The following ZFP30 variants were observed in gnomAD, a reference collection of about 807,000 sequenced individuals.
ZFP30 encodes the protein ZFP30 zinc finger protein, also known as zinc finger protein 30 homolog.
A neutral mutation model predicts 12.3 loss-of-function variants in ZFP30; 16 were observed. The ratio of observed to expected loss-of-function variants is 1.30; its 90% CI spans 0.88 to 1.98. ZFP30 has a LOEUF of 1.98. ZFP30 is among the 30% of genes most tolerant of loss of function. The pLI is 0.00. For missense variants in ZFP30, 560 were observed against 611.2 expected (o/e 0.92, Z 0.88); for synonymous variants, 172 against 201.0 (o/e 0.86, Z 1.22).
chr19:37,641,650 A>G (rs2044437681), intron 5 of ZFP30, among the ~76,000 whole-genome samples: 1 of 152,244 alleles, frequency 6.6e-6, no homozygotes, highest in Non-Finnish European at 1.5e-5. Context: ...ACTTTTACAC[A>G]TAACCACAAT....
intron 3 of ZFP30, among the ~76,000 whole-genome samples, chr19:37,646,319 T>C (rs2044543560): frequency 6.6e-6 from 1 of 152,178 alleles, no homozygotes; most frequent in African/African-American, 2.4e-5. Context: ...TGATTATATT[T>C]AGATATAGCT....
Position 37,633,056 on chromosome 19 carries a change from A to G in ZFP30, c.*1925T>C, listed in dbSNP as rs1376273421. ...TGTGGTGGCGGGCGCCTGTAATCCC[A>G]GCCACTCGGAAGTCTGAGGGAGGAG... is the stretch of plus-strand genomic sequence containing the variant. On this transcript the variant is annotated 3_prime_UTR_variant, in exon 6 of 6. Coordinates refer to ENST00000684514, the MANE Select transcript of ZFP30 (RefSeq NM_001320669.3). 6.6e-6 allele frequency: 1 copy of G among 151,910 alleles called. No homozygotes were observed. Among genetic ancestry groups the G allele is most frequent in the African/African-American group, 2.4e-5 (1 of 41,374 alleles). The allele number at this position is 151,910 out of a possible 1,614,324, so 9.4% of individuals were successfully genotyped here.
intron 2 of ZFP30, among the ~76,000 whole-genome samples, chr19:37,651,057 T>C (rs779219683): frequency 1.3e-5 from 2 of 152,144 alleles, no homozygotes; most frequent in Non-Finnish European, 2.9e-5. Flanking sequence ...ATGGTTTTAT[T>C]CTATTTCAGA....
chr19:37,655,715 A>C (rs1257703683), upstream of ZFP30: 2 of 152,382 alleles, frequency 1.3e-5, no homozygotes, highest in Admixed American at 1.3e-4. Context: ...CTGCGGTCCA[A>C]AATTTAAAAA....
chr19:37,640,063 T>TTTCGTAGTA (rs1210715683), intron 5 of ZFP30, among the ~76,000 whole-genome samples: 2 of 152,224 alleles, frequency 1.3e-5, no homozygotes, highest in African/African-American at 4.8e-5. Flanking sequence ...AAGTTGGATG[T>TTTCGTAGTA]TTCGTAGTAT....
chr19:37,631,891 T>C lies in ZFP30; in HGVS notation c.*3090A>G. The C allele has an allele frequency of 6.6e-6, 1 of 152,124 alleles. No homozygotes were observed. Among genetic ancestry groups the C allele is most frequent in the Non-Finnish European group, 1.5e-5 (1 of 68,010 alleles). The allele number at this position is 152,124 out of a possible 1,614,324, so 9.4% of individuals were successfully genotyped here. ...ATATAATTTCCCATAGAAATTAGAATTACCAGATTTCTCTTCATACGGAAA... is the reference window on the plus strand; with the variant it reads ...ATATAATTTCCCATAGAAATTAGAACTACCAGATTTCTCTTCATACGGAAA... On this transcript the variant is annotated 3_prime_UTR_variant, in exon 6 of 6. Transcript: ENST00000684514.
At chr19:37,649,357 T>G (rs2044604172) in intron 2 of ZFP30, among the ~76,000 whole-genome samples, 1 of 152,090 alleles carries the variant, frequency 6.6e-6, no homozygotes, top group African/African-American at 2.4e-5. Flanking sequence ...ATTGGCAGAT[T>G]TCAAAAAGCT....
intron 2 of ZFP30, among the ~76,000 whole-genome samples, chr19:37,650,781 C>G (rs950010790): frequency 6.6e-6 from 1 of 150,904 alleles, no homozygotes; most frequent in African/African-American, 2.4e-5. Flanking sequence ...GTCACCCAGG[C>G]TGGAGTGCAG....
At chr19:37,637,191 TTTTC>T (rs887330430) in intron 5 of ZFP30, among the ~76,000 whole-genome samples, 1 of 151,188 alleles carries the variant, frequency 6.6e-6, no homozygotes, top group African/African-American at 2.4e-5. Context: ...CTTCTTTCTT[TTTTC>T]TTTTTTTCTT....
intron 3 of ZFP30, among the ~76,000 whole-genome samples, chr19:37,645,286 G>A (rs2044520988): frequency 6.6e-6 from 1 of 152,052 alleles, no homozygotes; most frequent in Admixed American, 6.6e-5. Context: ...CAAATGAATA[G>A]ACTAGGGCTG....
At chr19:37,654,181 T>C (rs1488349331) in intron 2 of ZFP30, among the ~76,000 whole-genome samples, 10 of 152,212 alleles carry the variant, frequency 6.6e-5, no homozygotes, top group Non-Finnish European at 1.3e-4. Context: ...CAGATTTAAG[T>C]GGCAGTCAGG....
intron 3 of ZFP30, 33 bp downstream of exon 3, chr19:37,647,781 A>G: frequency 6.2e-7 from 1 of 1,613,800 alleles, no homozygotes; most frequent in Non-Finnish European, 8.5e-7. Flanking sequence ...AAAAAATGAC[A>G]GAATTCCAAA....
intron 3 of ZFP30, among the ~76,000 whole-genome samples, chr19:37,647,536 G>A (rs1301772261): frequency 6.6e-6 from 1 of 152,208 alleles, no homozygotes; most frequent in Non-Finnish European, 1.5e-5. Flanking sequence ...CCCCAGCTAT[G>A]TGGAACTGTG....
Position 37,633,031 on chromosome 19 carries a change from T to C in ZFP30, c.*1950A>G, listed in dbSNP as rs1486361057. On this transcript the variant is annotated 3_prime_UTR_variant, in exon 6 of 6. Transcript: ENST00000684514. ...ACTAAAAATACAAAAATCAACCTGGTGTGGTGGCGGGCGCCTGTAATCCCA... is the reference window on the plus strand; with the variant it reads ...ACTAAAAATACAAAAATCAACCTGGCGTGGTGGCGGGCGCCTGTAATCCCA... 2 of 151,888 alleles carry C rather than the reference T, an allele frequency of 1.3e-5. No individual in the cohort carries two copies. The highest frequency in any genetic ancestry group is 1.3e-4 in the Admixed American group (2 of 15,234). The allele number at this position is 151,888 out of a possible 1,614,324, so 9.4% of individuals were successfully genotyped here. A position where few individuals can be genotyped will look rare whatever the true frequency, so the allele number is the denominator to read the frequency against.
At chr19:37,649,136 T>G (rs2044599171) in intron 2 of ZFP30, among the ~76,000 whole-genome samples, 2 of 151,820 alleles carry the variant, frequency 1.3e-5, no homozygotes, top group South Asian at 4.2e-4. Flanking sequence ...CCCTAGTTAC[T>G]TGGGAGGCTG....
In ZFP30 at chr19:37,647,868, T is replaced by G. The variant is rs375750428; in HGVS notation, c.-46A>C. 8.7e-6 allele frequency: 14 copies of G among 1,611,950 alleles called. No homozygotes were observed. In the African/African-American group the frequency reaches 1.7e-4, roughly 20 times the overall value. On this transcript the variant is annotated 5_prime_UTR_variant, in exon 3 of 6. Transcript: ENST00000684514. ...TGGTCAATTTTCCTCAAGGTTCATGTACTTCAGAAGCAGGGTCCACAGACA... is the reference window on the plus strand; with the variant it reads ...TGGTCAATTTTCCTCAAGGTTCATGGACTTCAGAAGCAGGGTCCACAGACA...
At chr19:37,640,129 A>C (rs531548059) in intron 5 of ZFP30, among the ~76,000 whole-genome samples, 2 of 152,240 alleles carry the variant, frequency 1.3e-5, no homozygotes, top group Admixed American at 1.3e-4. Context: ...AGAAAATAGT[A>C]AAAGACAGAA....
chr19:37,655,683 C>A (rs1001600461), upstream of ZFP30: 2 of 152,374 alleles, frequency 1.3e-5, no homozygotes, highest in African/African-American at 4.8e-5. Context: ...AAAGATAATC[C>A]AGGCCTGCTC....
rs1194440452 is a variant in ZFP30 at position 37,635,430 on chromosome 19, G to GAGTT, written c.1107_1110dup (p.Leu371AsnfsTer10). ...TCACCAGTATGTATTCTCTGATGGA[G>GAGTT]AGTTAGATGATAGCCACGACTGAAA... On this transcript the variant is annotated frameshift_variant, in exon 6 of 6. Transcript: ENST00000684514. LOFTEE classifies it low-confidence loss of function (END_TRUNC). 1 of 1,614,022 alleles carries GAGTT rather than the reference G, an allele frequency of 6.2e-7. No homozygotes were observed. Among genetic ancestry groups the GAGTT allele is most frequent in the Non-Finnish European group, 8.5e-7 (1 of 1,180,028 alleles).
Sources: allele counts gnomAD v4.1 joint callset (sites outside exome capture counted in the v4.1 genomes callset), GRCh38; gene constraint gnomAD v4.1.1; transcripts MANE v1.5; gene names NCBI Gene and HGNC (gene_info 2026-07-23, HGNC 2026-07-21).